Variants in FERMT3 observed in about 807,000 individuals in gnomAD.
FERMT3 encodes the protein fermitin family homolog 3.
A neutral mutation model predicts 80.8 loss-of-function variants in FERMT3; 33 were observed. That is an observed-to-expected ratio of 0.41 (90% CI 0.31 to 0.55). The LOEUF is 0.55. Among genes scored for constraint, FERMT3 ranks in the 20% least tolerant of loss-of-function variants. The pLI is 0.31. For missense variants in FERMT3, 754 were observed against 908.7 expected (o/e 0.83, Z 2.19); for synonymous variants, 375 against 372.2 (o/e 1.01, Z -0.09).
chr11:64,222,980 A>G, intron 13 of FERMT3, 68 bp from the exon 14 acceptor site: 5 of 1,602,774 alleles, frequency 3.1e-6, no homozygotes, highest in Non-Finnish European at 4.3e-6. Flanking sequence ...GCACGGCGCC[A>G]CATTGTCTGG....
At position 64,219,526 on chromosome 11, in the gene FERMT3, C is replaced by T; in HGVS notation, c.897C>T (p.Tyr299=). The change falls in exon 8 of 15, where the codon TAC becomes TAT. Residue 299 remains tyrosine, a splice_region_variant and synonymous_variant. Coordinates refer to ENST00000345728, the MANE Select transcript of FERMT3 (RefSeq NM_031471.6). The surrounding 1 kb of genome is among the most constrained non-coding windows in gnomAD (Gnocchi z 4.0). The stretch of plus-strand genomic sequence containing the variant: ...TCCCTGGCTTCATGACCACCTAGTA[C>T]CACATCAACAAGCTGTCCCAGAGCG... ...EEMMVFAALQ[Y]HINKLSQSGE... The T allele has an allele frequency of 6.2e-7, 1 of 1,604,760 alleles. No individual in the cohort carries two copies. Among genetic ancestry groups the T allele is most frequent in the South Asian group, 1.1e-5 (1 of 90,350 alleles).
intron 2 of FERMT3, among the ~76,000 whole-genome samples, chr11:64,208,168 TG>T (rs1653862232): frequency 7.2e-6 from 1 of 139,410 alleles, no homozygotes; most frequent in African/African-American, 2.7e-5. Context: ...TGGGTGATGG[TG>T]GGGAGGCTTC....
intron 6 of FERMT3, among the ~76,000 whole-genome samples, chr11:64,214,082 TATAA>T (rs1237829153): frequency 2.6e-5 from 4 of 152,136 alleles, no homozygotes; most frequent in African/African-American, 9.7e-5. Context: ...TAGTAACACA[TATAA>T]ATAGTGTTCC....
Position 64,211,596 on chromosome 11 carries a change from C to A in FERMT3, c.684-49C>A, listed in dbSNP as rs1196300609. On this transcript the variant is annotated intron_variant, in intron 5 of 14. Coordinates refer to ENST00000345728, the MANE Select transcript of FERMT3 (RefSeq NM_031471.6). The surrounding 1 kb of genome is among the most constrained non-coding windows in gnomAD (Gnocchi z 4.7). ...CCCAGCCCAGCCCCCCTCCCCACCC[C>A]ACGGCCGTACCTGGCGCAGCCCTGA... is the stretch of plus-strand genomic sequence containing the variant. The A allele has an allele frequency of 1.9e-6, 3 of 1,593,128 alleles. No individual in the cohort carries two copies. The highest frequency in any genetic ancestry group is 1.1e-5 in the South Asian group (1 of 89,516).
At position 64,211,045 on chromosome 11, in the gene FERMT3, C is replaced by T. The variant is rs1946423816; in HGVS notation, c.395-7C>T. The T allele has an allele frequency of 1.2e-6, 2 of 1,603,268 alleles. No homozygotes were observed. Among genetic ancestry groups the T allele is most frequent in the Non-Finnish European group, 1.7e-6 (2 of 1,175,184 alleles). On this transcript the variant is annotated splice_region_variant and splice_polypyrimidine_tract_variant and intron_variant, in intron 3 of 14. Transcript: ENST00000345728. This position sits in a 1 kb window ranked among gnomAD's most constrained non-coding sequence, Gnocchi z 4.7. Reference sequence around the variant, plus strand: ...CTAGTCCCCGCTGAGACCCTAGCTCCCCTCAGGCATCCGGCACCCCGAGGA... The same window carrying T: ...CTAGTCCCCGCTGAGACCCTAGCTCTCCTCAGGCATCCGGCACCCCGAGGA...
chr11:64,210,941 G>C lies in FERMT3; in HGVS notation c.394+97G>C, dbSNP rs1946421752. On this transcript the variant is annotated intron_variant, in intron 3 of 14. Transcript: ENST00000345728. This position sits in a 1 kb window ranked among gnomAD's most constrained non-coding sequence, Gnocchi z 4.3. ...CAGCTCTGTTGACGCTGTCCTTGCT[G>C]TCTGGGTTGCCACCCTGCCTGCAGG... 9 of 1,607,546 alleles carry C rather than the reference G, an allele frequency of 5.6e-6. No homozygotes were observed. Among genetic ancestry groups the C allele is most frequent in the Non-Finnish European group, 5.1e-6 (6 of 1,177,284 alleles).
In FERMT3 at chr11:64,220,607, G is replaced by A. The variant is rs199681648; in HGVS notation, c.1483G>A (p.Glu495Lys). The change falls in exon 12 of 15, where the codon GAG becomes AAG. Residue 495 changes from glutamate (E) to lysine (K), a missense_variant. By Grantham distance (56) the Glu-to-Lys change is moderately conservative. Coordinates refer to ENST00000345728, the MANE Select transcript of FERMT3 (RefSeq NM_031471.6). ...NHPHGPDASAEGLNPYGLVAP... is the reference protein window; with the variant it reads ...NHPHGPDASAKGLNPYGLVAP... ...CCCCCACGGCCCTGATGCCTCTGCC[G>A]AGGGCCTCAACCCCTACGGCCTCGT... The A allele has an allele frequency of 1.7e-5, 28 of 1,611,102 alleles. No individual in the cohort carries two copies. Among genetic ancestry groups the A allele is most frequent in the Admixed American group, 8.4e-5 (5 of 59,752 alleles).
At chr11:64,212,391 G>A (rs1036397413) in intron 6 of FERMT3, among the ~76,000 whole-genome samples, 6 of 152,120 alleles carry the variant, frequency 3.9e-5, no homozygotes, top group African/African-American at 1.4e-4. Context: ...CGCTTGCTCC[G>A]CAGAATCCCA....
At position 64,219,198 on chromosome 11, in the gene FERMT3, G is replaced by A. The variant is rs1946616836; in HGVS notation, c.787-53G>A. The stretch of plus-strand genomic sequence containing the variant: ...CAGGGGCTCAGTGCAGGGCGTCCAG[G>A]GCAGCTGGCATCTGACCAGCCCAGC... On this transcript the variant is annotated intron_variant, in intron 6 of 14. Transcript: ENST00000345728. The surrounding 1 kb of genome is among the most constrained non-coding windows in gnomAD (Gnocchi z 4.0). 6 of 1,517,468 alleles carry A rather than the reference G, an allele frequency of 4.0e-6. No individual in the cohort carries two copies. The highest frequency in any genetic ancestry group is 2.0e-5 in the Admixed American group (1 of 51,036). 94.0% of individuals were successfully genotyped at this position (1,517,468 alleles called of 1,614,324 possible).
intron 6 of FERMT3, among the ~76,000 whole-genome samples, chr11:64,218,382 CA>C (rs2134876094): frequency 6.6e-6 from 1 of 152,294 alleles, no homozygotes; most frequent in South Asian, 2.1e-4. Context: ...CAGCTCACTG[CA>C]CCCTCAACCT....
intron 13 of FERMT3, 34 bp downstream of exon 13, chr11:64,221,174 C>T (rs746598378): frequency 2.1e-5 from 33 of 1,595,066 alleles, no homozygotes; most frequent in Middle Eastern, 1.7e-4. Flanking sequence ...TGCCCAGCAC[C>T]GTCTCTGCCC....
intron 14 of FERMT3, 32 bp downstream of exon 14, chr11:64,223,221 G>A (rs779288691): frequency 1.2e-6 from 2 of 1,613,390 alleles, no homozygotes; most frequent in South Asian, 2.2e-5. Context: ...ATGGATGGGG[G>A]ACAGGTGCAG....
At position 64,219,279 on chromosome 11, in the gene FERMT3, A is replaced by G. The variant is rs771042851; in HGVS notation, c.815A>G (p.Tyr272Cys). 6.2e-7 allele frequency: 1 copy of G among 1,606,662 alleles called. No homozygotes were observed. The highest frequency in any genetic ancestry group is 1.7e-5 in the Admixed American group (1 of 59,126). Reference protein sequence around the residue: ...KTDPVRLTQLYEQARWDLLLE... With the variant: ...KTDPVRLTQLCEQARWDLLLE... ...GACCCCGTGCGGCTGACACAGCTGTATGAGCAGGCCCGGTGGGACCTGCTG... is the reference window on the plus strand; with the variant it reads ...GACCCCGTGCGGCTGACACAGCTGTGTGAGCAGGCCCGGTGGGACCTGCTG... The change falls in exon 7 of 15, where the codon TAT becomes TGT. Residue 272 changes from tyrosine (Y) to cysteine (C), a missense_variant. Physicochemically the swap from Tyr to Cys is radical, Grantham distance 194. Coordinates refer to ENST00000345728, the MANE Select transcript of FERMT3 (RefSeq NM_031471.6). The surrounding 1 kb of genome is among the most constrained non-coding windows in gnomAD (Gnocchi z 4.0).
intron 6 of FERMT3, among the ~76,000 whole-genome samples, chr11:64,212,651 G>C (rs986063239): frequency 2.0e-5 from 3 of 151,612 alleles, no homozygotes; most frequent in Admixed American, 6.6e-5. Flanking sequence ...CACTTGCTTG[G>C]GGGGTGGCCT....
intron 6 of FERMT3, among the ~76,000 whole-genome samples, chr11:64,218,298 C>T (rs1946596617): frequency 6.6e-6 from 1 of 151,972 alleles, no homozygotes; most frequent in South Asian, 2.1e-4. Context: ...GCCACTGCGC[C>T]TGGCCTTCTT....
rs761235851 is a variant in FERMT3, at chr11:64,220,472, CT to C, written c.1349del (p.Leu450ArgfsTer125). 6.2e-7 allele frequency: 1 copy of C among 1,609,976 alleles called. No individual in the cohort carries two copies. Among genetic ancestry groups the C allele is most frequent in the Non-Finnish European group, 8.5e-7 (1 of 1,178,640 alleles). ...QYARWMAGCR[L>X]ASKGRTMADS... ...TGCCCGCTGGATGGCTGGCTGCCGC[CT>C]GGCCTCCAAAGGCCGCACCATGGCC... On this transcript the variant is annotated frameshift_variant, in exon 12 of 15. Coordinates refer to ENST00000345728, the MANE Select transcript of FERMT3 (RefSeq NM_031471.6). LOFTEE classifies it high-confidence loss of function.
At chr11:64,216,786 A>C (rs556666108) in intron 6 of FERMT3, among the ~76,000 whole-genome samples, 2 of 128,872 alleles carry the variant, frequency 1.6e-5, no homozygotes, top group East Asian at 2.3e-4. Context: ...ACAGAGCGAG[A>C]CTCCATCTCA....
At chr11:64,221,280 CT>C in intron 13 of FERMT3, 140 bp downstream of exon 13, 1 of 813,014 alleles carries the variant, frequency 1.2e-6, no homozygotes, top group Non-Finnish European at 2.0e-6. Context: ...GTAAGCAGGC[CT>C]TACTGAGGGC....
chr11:64,223,583 C>A lies in FERMT3; in HGVS notation c.*91C>A. 4 of 1,440,154 alleles carry A rather than the reference C, an allele frequency of 2.8e-6. No homozygotes were observed. Among genetic ancestry groups the A allele is most frequent in the South Asian group, 1.2e-5 (1 of 82,586 alleles). The allele number at this position is 1,440,154 out of a possible 1,614,324, so 89.2% of individuals were successfully genotyped here. ...AGGGGCTCACTGCCCCACACCCGCT[C>A]CAGGCAGGCACCCAGCTGGGCATTT... On this transcript the variant is annotated 3_prime_UTR_variant, in exon 15 of 15. Coordinates refer to ENST00000345728, the MANE Select transcript of FERMT3 (RefSeq NM_031471.6).
Sources: gnomAD v4.1 joint callset for allele counts (sites outside exome capture counted in the v4.1 genomes callset) on GRCh38, gnomAD v4.1.1 for gene constraint, Gnocchi (gnomAD v3.1) non-coding constraint, MANE v1.5 for transcripts, NCBI Gene and HGNC (gene_info 2026-07-23, HGNC 2026-07-21) for gene names.